The following ASAH1 variants were observed in gnomAD, a reference collection of about 807,000 sequenced individuals.
ASAH1 encodes N-acylsphingosine amidohydrolase 1.
In ASAH1, 70 loss-of-function variants were observed where a neutral mutation model predicts 59.5. That is an observed-to-expected ratio of 1.18 (90% CI 0.97 to 1.43). The LOEUF is 1.43. ASAH1 is among the 40% of genes most tolerant of loss of function. The pLI is 0.00. For missense variants in ASAH1, 660 were observed against 482.5 expected, an observed-to-expected ratio of 1.37 and a Z score of -3.45; for synonymous variants, 213 against 166.5, an observed-to-expected ratio of 1.28 and a Z score of -2.15.
At chr8:18,072,733 T>C (rs1269296271) in intron 2 of ASAH1, among the ~76,000 whole-genome samples, 1 of 152,222 alleles carries the variant, frequency 6.6e-6, no homozygotes, top group Non-Finnish European at 1.5e-5. Flanking sequence ...ATTCAGTAAG[T>C]AATTATTGTT....
chr8:18,079,797 C>T (rs189704754), intron 1 of ASAH1, among the ~76,000 whole-genome samples: 6 of 152,294 alleles, frequency 3.9e-5, no homozygotes, highest in East Asian at 3.9e-4. Context: ...CTATAATGTC[C>T]TCTTATGTAC....
Position 18,059,691 on chromosome 8 carries a change from G to A in ASAH1, c.798C>T (p.Ala266=). 6.2e-7 allele frequency: 1 copy of A among 1,613,872 alleles called. No individual in the cohort carries two copies. The highest frequency in any genetic ancestry group is 8.5e-7 in the Non-Finnish European group (1 of 1,179,912). The change falls in exon 11 of 14, where the codon GCC becomes GCT. Residue 266 remains alanine (A), a synonymous_variant. Transcript: ENST00000637790. ...VLENSTSYEE[A]KNLLTKTKIL... Reference sequence around the variant, plus strand: ...TCTTGGTCTTGGTCAATAAATTCTTGGCTTCTTCATAACTATATAGAAACA... The same window carrying A: ...TCTTGGTCTTGGTCAATAAATTCTTAGCTTCTTCATAACTATATAGAAACA...
At chr8:18,076,472 T>C (rs1275424524) in intron 1 of ASAH1, 2 of 152,202 alleles carry the variant, frequency 1.3e-5, no homozygotes, top group African/African-American at 4.8e-5. Context: ...AGTGGCAAAA[T>C]GGAACCTTCT....
chr8:18,073,360 C>A lies in ASAH1; in HGVS notation c.126-1970G>T, dbSNP rs1210139854. The A allele has an allele frequency of 6.4e-6, 8 of 1,254,040 alleles. No homozygotes were observed. The African/African-American group carries it at 1.2e-4, about 18-fold the overall frequency. 77.7% of individuals were successfully genotyped at this position (1,254,040 alleles called of 1,614,324 possible). On this transcript the variant is annotated intron_variant, in intron 2 of 13. Transcript: ENST00000637790. ...GTAGTCATCACAATTTATTTTCCTA[C>A]TTCACTGCAAACAAGAAATATCATT...
intron 1 of ASAH1, among the ~76,000 whole-genome samples, chr8:18,078,909 T>A (rs1028858417): frequency 6.8e-6 from 1 of 146,048 alleles, no homozygotes; most frequent in Non-Finnish European, 1.5e-5. Flanking sequence ...TGCCCTTCCC[T>A]ACCTTTCTCC....
Position 18,069,817 on chromosome 8 carries a change from A to G in ASAH1, c.278T>C (p.Ile93Thr). The change falls in exon 4 of 14, where the codon ATT becomes ACT. Residue 93 changes from isoleucine to threonine, a missense_variant. By Grantham distance (89) the Ile-to-Thr change is moderately conservative. Coordinates refer to ENST00000637790, the MANE Select transcript of ASAH1 (RefSeq NM_177924.5). ...MINTFVPSGK[I>T]MQVVDEKLPG... ...CAATTTTTCATCCACCACCTGCATA[A>G]TTTTTCCACTTGGCACGAATGTATT... 6.3e-7 allele frequency: 1 copy of G among 1,589,442 alleles called. No individual in the cohort carries two copies. The highest frequency in any genetic ancestry group is 2.2e-5 in the East Asian group (1 of 44,722).
upstream of ASAH1, chr8:18,084,816 TC>T (rs1564558766): frequency 6.2e-7 from 1 of 1,612,736 alleles, no homozygotes; most frequent in Admixed American, 1.7e-5. Context: ...CGGCTGTGTT[TC>T]CTCCTAACTG....
At chr8:18,064,678 T>G in intron 5 of ASAH1, 147 bp from the exon 6 acceptor site, 1 of 625,874 alleles carries the variant, frequency 1.6e-6, no homozygotes, top group East Asian at 2.7e-5. Flanking sequence ...TGGAGGTGGT[T>G]TTCTTCCCCA....
At chr8:18,081,945 A>G (rs4921569) in intron 1 of ASAH1, among the ~76,000 whole-genome samples, 1 of 152,210 alleles carries the variant, frequency 6.6e-6, no homozygotes, top group Admixed American at 6.5e-5. Flanking sequence ...GGAGGGTCCA[A>G]ATTTTTATTC....
intron 2 of ASAH1, chr8:18,073,343 C>T: frequency 7.1e-7 from 1 of 1,406,216 alleles, no homozygotes; most frequent in Non-Finnish European, 9.8e-7. Flanking sequence ...CAGTAGTCAT[C>T]ACAATTTATT....
At position 18,057,417 on chromosome 8, in the gene ASAH1, C is replaced by A. The variant is rs1799515782; in HGVS notation, c.*117G>T. ...GATGGACGAAGACAAGCTATTGACT[C>A]AAAGAGAACCTGCCGCGAGTCTTAG... On this transcript the variant is annotated 3_prime_UTR_variant, in exon 14 of 14. Transcript: ENST00000637790. 4 of 727,816 alleles carry A rather than the reference C, an allele frequency of 5.5e-6. No individual in the cohort carries two copies. Among genetic ancestry groups the A allele is most frequent in the Non-Finnish European group, 9.4e-6 (4 of 423,694 alleles). The allele number at this position is 727,816 out of a possible 1,614,324, so 45.1% of individuals were successfully genotyped here.
intron 13 of ASAH1, 141 bp from the exon 14 acceptor site, chr8:18,057,764 TTATA>T (rs1799532758): frequency 2.8e-6 from 1 of 362,006 alleles, no homozygotes; most frequent in Non-Finnish European, 5.1e-6. Context: ...GCAAAGCATG[TTATA>T]TAATGTATAT....
chr8:18,084,235 C>T, upstream of ASAH1: 1 of 1,474,430 alleles, frequency 6.8e-7, no homozygotes, highest in Non-Finnish European at 8.9e-7. Context: ...CGGGGCTTTT[C>T]AGTGCCACGA....
At chr8:18,058,784 G>A (rs755833109) in intron 13 of ASAH1, 51 bp downstream of exon 13, 1 of 1,483,080 alleles carries the variant, frequency 6.7e-7, no homozygotes, top group Non-Finnish European at 9.4e-7. Flanking sequence ...ATAAAACATA[G>A]GGCCAAATTC....
At position 18,064,543 on chromosome 8, in the gene ASAH1, G is replaced by A. The variant is rs1482336137; in HGVS notation, c.383-12C>T. 8 of 1,452,890 alleles carry A rather than the reference G, an allele frequency of 5.5e-6. No homozygotes were observed. Among genetic ancestry groups the A allele is most frequent in the Non-Finnish European group, 7.7e-6 (8 of 1,044,062 alleles). The allele number at this position is 1,452,890 out of a possible 1,614,324, so 90.0% of individuals were successfully genotyped here. A position where few individuals can be genotyped will look rare whatever the true frequency, so the allele number is the denominator to read the frequency against. Reference sequence around the variant, plus strand: ...TGAAATAATCTCTCCTATGAGAAAAGAAAATTTTGTGTTAATATACAGAAC... The same window carrying A: ...TGAAATAATCTCTCCTATGAGAAAAAAAAATTTTGTGTTAATATACAGAAC... On this transcript the variant is annotated splice_polypyrimidine_tract_variant and intron_variant, in intron 5 of 13. Transcript: ENST00000637790.
rs1564538188 is a variant in ASAH1, at chr8:18,062,267, CA to C, written c.648+11del. 6 of 1,614,148 alleles carry C rather than the reference CA, an allele frequency of 3.7e-6. No homozygotes were observed. Among genetic ancestry groups the C allele is most frequent in the Non-Finnish European group, 4.2e-6 (5 of 1,180,028 alleles). ...GGCTACCTGTATAATTATGTAACAA[CA>C]GACTCCTTACTGGTTTGAATCCTGT... is the stretch of plus-strand genomic sequence containing the variant. On this transcript the variant is annotated intron_variant, in intron 8 of 13. Transcript: ENST00000637790.
At chr8:18,061,489 G>T in intron 9 of ASAH1, 31 bp from the exon 10 acceptor site, 1 of 1,574,648 alleles carries the variant, frequency 6.4e-7, no homozygotes, top group Non-Finnish European at 8.7e-7. Context: ...GTCAGGAACC[G>T]GAAGAGGTGA....
chr8:18,082,737 G>A (rs1421626214), intron 1 of ASAH1: 1 of 151,982 alleles, frequency 6.6e-6, no homozygotes, highest in East Asian at 1.9e-4. Context: ...ATGGTGTGTG[G>A]TCTCCTTTGC....
chr8:18,064,406 T>C (rs185159955), intron 6 of ASAH1, 51 bp downstream of exon 6: 1 of 1,360,294 alleles, frequency 7.4e-7, no homozygotes, highest in East Asian at 2.4e-5. Flanking sequence ...TTAGAAGATT[T>C]TTCTTTATGT....
Sources: gnomAD v4.1 joint callset for allele counts (sites outside exome capture counted in the v4.1 genomes callset) on GRCh38, gnomAD v4.1.1 for gene constraint, MANE v1.5 for transcripts, NCBI Gene and HGNC (gene_info 2026-07-23, HGNC 2026-07-21) for gene names.